The following FMNL2 variants were observed in gnomAD, a reference collection of about 807,000 sequenced individuals.
FMNL2 encodes formin-like protein 2.
Under a neutral mutation model 130.2 loss-of-function variants are expected in FMNL2, and 51 were observed. The ratio of observed to expected loss-of-function variants is 0.39; its 90% CI spans 0.31 to 0.49. FMNL2 has a LOEUF of 0.49. FMNL2 is among the 20% of genes least tolerant of loss of function. FMNL2 has a pLI of 0.85. For synonymous variants in FMNL2, 465 were observed against 467.1 expected (o/e 1.00, Z 0.06); for missense variants, 977 against 1,316.2 (o/e 0.74, Z 3.99).
intron 1 of FMNL2, among the ~76,000 whole-genome samples, chr2:152,392,381 A>G (rs528311308): frequency 6.4e-4 from 97 of 152,216 alleles, no homozygotes; most frequent in African/African-American, 2.1e-3. Context: ...AGAATGACTG[A>G]GATGGTTATT....
rs992652903 is a variant in FMNL2 at position 152,366,426 on chromosome 2, C to T, written c.117+30706C>T. Among the ~76,000 whole-genome samples the T allele has an allele frequency of 5.3e-5, 8 of 149,774 alleles. No individual in the cohort carries two copies. The East Asian group carries it at 1.0e-3, about 19-fold the overall frequency. On this transcript the variant is annotated intron_variant, in intron 1 of 25. Coordinates refer to ENST00000288670, the MANE Select transcript of FMNL2 (RefSeq NM_052905.4). ...CACGTTGTGCACATGAACCCTAAAA[C>T]TTAAAGTATAATAATAATAAAAAAA...
At chr2:152,512,589 G>A (rs926787194) in intron 1 of FMNL2, among the ~76,000 whole-genome samples, 1 of 152,162 alleles carries the variant, frequency 6.6e-6, no homozygotes, top group African/African-American at 2.4e-5. Context: ...TATGTACATA[G>A]TGAGCTCCTT....
intron 9 of FMNL2, among the ~76,000 whole-genome samples, chr2:152,583,403 G>C (rs1190565320): frequency 6.6e-6 from 1 of 152,198 alleles, no homozygotes; most frequent in Non-Finnish European, 1.5e-5. Context: ...AGAAAATAGT[G>C]AAAGTGTGGA....
At chr2:152,534,674 T>A (rs1693893712) in intron 2 of FMNL2, among the ~76,000 whole-genome samples, 1 of 151,980 alleles carries the variant, frequency 6.6e-6, no homozygotes, top group South Asian at 2.1e-4. Context: ...AAAGATCATC[T>A]GTACTTTCTT....
At chr2:152,393,886 C>T (rs1465295055) in intron 1 of FMNL2, among the ~76,000 whole-genome samples, 2 of 152,118 alleles carry the variant, frequency 1.3e-5, no homozygotes, top group East Asian at 1.9e-4. Flanking sequence ...CCCATATGGA[C>T]GCTGAGATGT....
chr2:152,647,712 A>T (rs1683712173), intron 25 of FMNL2, 84 bp from the exon 26 acceptor site: 4 of 1,303,344 alleles, frequency 3.1e-6, no homozygotes, highest in African/African-American at 2.9e-5. Context: ...AGCTGCTTTG[A>T]TTGGCTGCCA....
intron 1 of FMNL2, among the ~76,000 whole-genome samples, chr2:152,361,331 A>G (rs1473696872): frequency 6.6e-6 from 1 of 152,222 alleles, no homozygotes. Flanking sequence ...CCAGTAAAAT[A>G]TACATGAAAA....
At chr2:152,570,609 G>C (rs929663004) in intron 6 of FMNL2, among the ~76,000 whole-genome samples, 3 of 152,146 alleles carry the variant, frequency 2.0e-5, no homozygotes, top group African/African-American at 4.8e-5. Context: ...TCCAGGAATT[G>C]GGTCACAACT....
At chr2:152,452,330 T>C (rs949531998) in intron 1 of FMNL2, among the ~76,000 whole-genome samples, 1 of 152,218 alleles carries the variant, frequency 6.6e-6, no homozygotes, top group African/African-American at 2.4e-5. Context: ...GCCTGTTGAC[T>C]CCTTCCTGCC....
chr2:152,640,597 T>C (rs1176945685), intron 24 of FMNL2, among the ~76,000 whole-genome samples, 194 bp from the exon 25 acceptor site: 1 of 152,234 alleles, frequency 6.6e-6, no homozygotes, highest in Non-Finnish European at 1.5e-5. Context: ...GGTGAAGTTT[T>C]GTGTGTTCGT....
chr2:152,446,651 A>C (rs1688352832), intron 1 of FMNL2, among the ~76,000 whole-genome samples: 1 of 152,374 alleles, frequency 6.6e-6, no homozygotes, highest in Non-Finnish European at 1.5e-5. Flanking sequence ...TGGATAAAGA[A>C]TGTAATGGAT....
chr2:152,375,877 C>CTCTCTCTATATATATA lies in FMNL2; in HGVS notation c.117+40158_117+40159insCTCTCTATATATATAT, dbSNP rs796954245. On this transcript the variant is annotated intron_variant, in intron 1 of 25. Coordinates refer to ENST00000288670, the MANE Select transcript of FMNL2 (RefSeq NM_052905.4). The stretch of plus-strand genomic sequence containing the variant: ...TCTCTCTCTCTCTCTCTCTCTCTCT[C>CTCTCTCTATATATATA]TATATATATATATATATATAATTAT... Among the ~76,000 whole-genome samples the CTCTCTCTATATATATA allele has an allele frequency of 1.0e-3, 113 of 112,458 alleles. 2 individuals are homozygous for CTCTCTCTATATATATA. In the East Asian group the frequency reaches 0.017, roughly 17 times the overall value. The allele number at this position is 112,458 out of a possible 152,430, so 73.8% of individuals were successfully genotyped here.
At chr2:152,416,937 T>C (rs923426833) in intron 1 of FMNL2, among the ~76,000 whole-genome samples, 3 of 152,204 alleles carry the variant, frequency 2.0e-5, no homozygotes, top group African/African-American at 7.2e-5. Context: ...TCGGGAAGAA[T>C]AGTCCCAGTG....
intron 2 of FMNL2, among the ~76,000 whole-genome samples, chr2:152,526,719 G>A (rs949801500): frequency 3.9e-5 from 6 of 151,942 alleles, no homozygotes; most frequent in African/African-American, 1.2e-4. Flanking sequence ...TTGACCCTTA[G>A]TTTTCTCTTA....
intron 1 of FMNL2, among the ~76,000 whole-genome samples, chr2:152,519,318 G>A (rs1386260932): frequency 6.6e-6 from 1 of 152,174 alleles, no homozygotes; most frequent in Non-Finnish European, 1.5e-5. Flanking sequence ...CATCGCGTCT[G>A]TTTGGATTCC....
intron 6 of FMNL2, among the ~76,000 whole-genome samples, chr2:152,569,102 C>T (rs539456675): frequency 6.4e-5 from 7 of 109,904 alleles, no homozygotes; most frequent in East Asian, 3.1e-4. Context: ...CTTCCCCCCC[C>T]GCCCCAATCT....
chr2:152,496,077 C>T (rs577780937), intron 1 of FMNL2, among the ~76,000 whole-genome samples: 2 of 152,080 alleles, frequency 1.3e-5, no homozygotes, highest in Non-Finnish European at 2.9e-5. Context: ...AATAATGTCT[C>T]ACATAATCAT....
chr2:152,394,705 T>G (rs1250663876), intron 1 of FMNL2, among the ~76,000 whole-genome samples: 2 of 127,304 alleles, frequency 1.6e-5, no homozygotes, highest in Admixed American at 7.9e-5. Flanking sequence ...TTATATTACA[T>G]AACATTAACT....
At chr2:152,349,759 T>C (rs1163324911) in intron 1 of FMNL2, among the ~76,000 whole-genome samples, 4 of 151,104 alleles carry the variant, frequency 2.6e-5, no homozygotes, top group African/African-American at 9.7e-5. Context: ...GAATTCTGAG[T>C]GTTCAGAAAA....
Sources: gnomAD v4.1 joint callset for allele counts (sites outside exome capture counted in the v4.1 genomes callset) on GRCh38, gnomAD v4.1.1 for gene constraint, MANE v1.5 for transcripts, NCBI Gene and HGNC (gene_info 2026-07-23, HGNC 2026-07-21) for gene names.